VSNL1: variants seen among roughly 807,000 people sequenced by gnomAD.
VSNL1 encodes visinin-like protein 1.
VSNL1 carries 6 observed loss-of-function variants against 20.4 expected under a neutral mutation model. That is an observed-to-expected ratio of 0.29 (90% CI 0.16 to 0.58). VSNL1 has a LOEUF of 0.58. VSNL1 is among the 20% of genes least tolerant of loss of function. The pLI is 0.90. For missense variants in VSNL1, 100 were observed against 234.5 expected (o/e 0.43, Z 3.75); for synonymous variants, 93 against 86.4 (o/e 1.08, Z -0.42).
Position 17,639,307 on chromosome 2 carries a change from C to T in VSNL1, c.163-10103C>T, listed in dbSNP as rs114040797. Among the ~76,000 whole-genome samples, 807 of 152,330 alleles carry T rather than the reference C, an allele frequency of 5.3e-3. 1 individual carries two copies. Among genetic ancestry groups the T allele is most frequent in the Non-Finnish European group, 8.8e-3 (599 of 68,030 alleles). ...TATACCAGGATGCATCCTACACATC[C>T]TGCAAGGTGAAATCCACCTTCCTCT... On this transcript the variant is annotated intron_variant, in intron 2 of 3. Transcript: ENST00000295156.
intron 2 of VSNL1, among the ~76,000 whole-genome samples, chr2:17,630,860 C>A (rs187963898): frequency 6.6e-6 from 1 of 152,250 alleles, no homozygotes; most frequent in African/African-American, 2.4e-5. Flanking sequence ...TGGCTCACTG[C>A]AACCTCCGCC....
intron 1 of VSNL1, among the ~76,000 whole-genome samples, chr2:17,575,459 T>G (rs1396671465): frequency 5.3e-5 from 8 of 152,226 alleles, no homozygotes; most frequent in South Asian, 4.1e-4. Flanking sequence ...TCTAGACTAC[T>G]TACTCTCTTT....
At chr2:17,630,715 A>G (rs1041353699) in intron 2 of VSNL1, among the ~76,000 whole-genome samples, 3 of 152,248 alleles carry the variant, frequency 2.0e-5, no homozygotes, top group African/African-American at 7.2e-5. Flanking sequence ...AAATAAAGAA[A>G]TAATAACTAG....
chr2:17,547,891 C>T (rs1663437598), intron 1 of VSNL1, among the ~76,000 whole-genome samples: 1 of 152,080 alleles, frequency 6.6e-6, no homozygotes, highest in African/African-American at 2.4e-5. Context: ...CTCCCCCAAC[C>T]TGCACTCACA....
At position 17,583,072 on chromosome 2, in the gene VSNL1, G is replaced by A. The variant is rs981296270; in HGVS notation, c.-5-8998G>A. Among the ~76,000 whole-genome samples the A allele has an allele frequency of 3.9e-5, 6 of 152,082 alleles. No homozygotes were observed. In the South Asian group the frequency reaches 1.2e-3, roughly 32 times the overall value. On this transcript the variant is annotated intron_variant, in intron 1 of 3. Transcript: ENST00000295156. ...AATTACTGTAGAGATAACAACTTAGGAACATGGTGAGTGCAAATGGCTCTC... is the reference window on the plus strand; with the variant it reads ...AATTACTGTAGAGATAACAACTTAGAAACATGGTGAGTGCAAATGGCTCTC...
chr2:17,560,413 A>G (rs1663786284), intron 1 of VSNL1, among the ~76,000 whole-genome samples: 2 of 152,164 alleles, frequency 1.3e-5, no homozygotes, highest in African/African-American at 4.8e-5. Context: ...AGGCATATGA[A>G]TAGACAAGTA....
chr2:17,605,136 T>C (rs1664913867), intron 2 of VSNL1, among the ~76,000 whole-genome samples: 4 of 152,208 alleles, frequency 2.6e-5, no homozygotes. Context: ...ACTTTACAAG[T>C]GTCTGCTATT....
intron 1 of VSNL1, among the ~76,000 whole-genome samples, chr2:17,569,657 C>G (rs1432968712): frequency 1.3e-5 from 2 of 152,242 alleles, no homozygotes; most frequent in Non-Finnish European, 2.9e-5. Context: ...CCAATTTACT[C>G]TTTCCTCTTC....
Position 17,633,779 on chromosome 2 carries a change from G to A in VSNL1, c.163-15631G>A, listed in dbSNP as rs555676230. ...ACAGGGTATTGTCATTGCTCAGAGG[G>A]GAAGCCCTTAACTCAGCTTAGGCAG... On this transcript the variant is annotated intron_variant, in intron 2 of 3. Transcript: ENST00000295156. Among the ~76,000 whole-genome samples the A allele has an allele frequency of 1.8e-4, 28 of 152,218 alleles. No homozygotes were observed. In the South Asian group the frequency reaches 5.0e-3, roughly 27 times the overall value.
intron 1 of VSNL1, among the ~76,000 whole-genome samples, chr2:17,547,798 A>C (rs890136535): frequency 1.3e-5 from 2 of 152,082 alleles, no homozygotes; most frequent in Non-Finnish European, 2.9e-5. Context: ...AGTGAAAGGA[A>C]ATTTTTGAGT....
rs147757466 is a variant in VSNL1, at chr2:17,600,537, T to G, written c.162+8301T>G. On this transcript the variant is annotated intron_variant, in intron 2 of 3. Transcript: ENST00000295156. ...GCCTCTTCTCAACATCTGATTCAAATAATTTTGAATATAAAACATTTCAAA... is the reference window on the plus strand; with the variant it reads ...GCCTCTTCTCAACATCTGATTCAAAGAATTTTGAATATAAAACATTTCAAA... Among the ~76,000 whole-genome samples, 784 of 152,330 alleles carry G rather than the reference T, an allele frequency of 5.1e-3. 7 individuals carry two copies. Among genetic ancestry groups the G allele is most frequent in the African/African-American group, 0.017 (694 of 41,568 alleles).
chr2:17,640,158 G>A (rs1029774466), intron 2 of VSNL1, among the ~76,000 whole-genome samples: 1 of 151,222 alleles, frequency 6.6e-6, no homozygotes, highest in African/African-American at 2.4e-5. Flanking sequence ...GCTGAGGGAG[G>A]AGAATCGCTT....
Position 17,656,467 on chromosome 2 carries a change from G to GC in VSNL1, c.*1074dup, listed in dbSNP as rs1666235865. The GC allele has an allele frequency of 6.6e-6, 1 of 152,206 alleles. No individual in the cohort carries two copies. The highest frequency in any genetic ancestry group is 1.5e-5 in the Non-Finnish European group (1 of 68,042). 9.4% of individuals were successfully genotyped at this position (152,206 alleles called of 1,614,324 possible). A position where few individuals can be genotyped will look rare whatever the true frequency, so the allele number is the denominator to read the frequency against. ...TTGGTGCTAACAACGTATGTTCAGTGCAACTACGTGGAGCTGTGCACACAC... is the reference window on the plus strand; with the variant it reads ...TTGGTGCTAACAACGTATGTTCAGTGCCAACTACGTGGAGCTGTGCACACAC... On this transcript the variant is annotated 3_prime_UTR_variant, in exon 4 of 4. Coordinates refer to ENST00000295156, the MANE Select transcript of VSNL1 (RefSeq NM_003385.5).
At chr2:17,652,396 GA>G (rs1666140885) in intron 3 of VSNL1, among the ~76,000 whole-genome samples, 1 of 152,192 alleles carries the variant, frequency 6.6e-6, no homozygotes, top group African/African-American at 2.4e-5. Flanking sequence ...AAATGCTATT[GA>G]TAAAAGAAGT....
At chr2:17,605,454 G>A in intron 2 of VSNL1, among the ~76,000 whole-genome samples, 1 of 152,320 alleles carries the variant, frequency 6.6e-6, no homozygotes, top group East Asian at 1.9e-4. Flanking sequence ...AGGCACCAGG[G>A]AATCCTCCCA....
At chr2:17,559,422 A>AG (rs1663762765) in intron 1 of VSNL1, among the ~76,000 whole-genome samples, 1 of 151,794 alleles carries the variant, frequency 6.6e-6, no homozygotes. Flanking sequence ...AAAAAAAACA[A>AG]CAACAGCTTT....
intron 2 of VSNL1, among the ~76,000 whole-genome samples, chr2:17,622,544 GAAAGAAAGAAAGAAAGAAAGAAA>G (rs1665396401): frequency 8.6e-5 from 5 of 58,064 alleles, no homozygotes; most frequent in Non-Finnish European, 1.4e-4. Context: ...AAGAAAGAAA[GAAAGAAAGAAAGAAAGAAAGAAA>G]GAAAGAAAGA....
At chr2:17,609,763 T>C (rs948810126) in intron 2 of VSNL1, among the ~76,000 whole-genome samples, 1 of 152,248 alleles carries the variant, frequency 6.6e-6, no homozygotes, top group Admixed American at 6.5e-5. Context: ...GAGAGAATTA[T>C]ACTGTGACCA....
chr2:17,558,977 T>G (rs1042668903), intron 1 of VSNL1, among the ~76,000 whole-genome samples: 1 of 152,146 alleles, frequency 6.6e-6, no homozygotes, highest in Non-Finnish European at 1.5e-5. Flanking sequence ...AGGCAATCCC[T>G]GACAGGGTGG....
Sources: allele counts gnomAD v4.1 joint callset (sites outside exome capture counted in the v4.1 genomes callset), GRCh38; gene constraint gnomAD v4.1.1; transcripts MANE v1.5; gene names NCBI Gene and HGNC (gene_info 2026-07-23, HGNC 2026-07-21).